The following TAF1 variants were observed in gnomAD, a reference collection of about 807,000 sequenced individuals.
TAF1 encodes the protein transcription initiation factor TFIID subunit 1.
A neutral mutation model predicts 138.5 loss-of-function variants in TAF1; 2 were observed. The ratio of observed to expected loss-of-function variants is 0.01; its 90% CI spans 0.01 to 0.05. The LOEUF is 0.05. Among genes scored for constraint, TAF1 ranks in the 10% least tolerant of loss-of-function variants. TAF1 has a pLI of 1.00. For synonymous variants in TAF1, 437 were observed against 503.2 expected (o/e 0.87, Z 1.76); for missense variants, 709 against 1,478.0 (o/e 0.48, Z 8.53).
intron 13 of TAF1, among the ~76,000 whole-genome samples, chrX:71,493,963 A>G (rs998739553): frequency 8.9e-6 from 1 of 111,766 alleles, no homozygotes; most frequent in Non-Finnish European, 1.9e-5. Flanking sequence ...ACAAAGCAAG[A>G]CCCTGTCTCA....
intron 32 of TAF1, among the ~76,000 whole-genome samples, chrX:71,452,494 A>G (rs1381890508): frequency 1.8e-5 from 2 of 108,734 alleles, no homozygotes; most frequent in Non-Finnish European, 3.8e-5. Flanking sequence ...CTCACTTCCT[A>G]GATGGGATGG....
intron 13 of TAF1, among the ~76,000 whole-genome samples, chrX:71,489,955 G>A (rs936477619): frequency 8.0e-5 from 9 of 112,038 alleles, no homozygotes; most frequent in African/African-American, 2.6e-4. Context: ...CTTTTAAGAG[G>A]TGATTAGGCC....
At chrX:71,451,271 C>T (rs1217089992) in intron 32 of TAF1, among the ~76,000 whole-genome samples, 2 of 111,609 alleles carry the variant, frequency 1.8e-5, no homozygotes, top group African/African-American at 3.3e-5. Context: ...TAAGAATCAT[C>T]TTATAGGTAA....
At chrX:71,467,752 A>G (rs1021133204), downstream of TAF1, among the ~76,000 whole-genome samples, 1 of 111,873 alleles carries the variant, frequency 8.9e-6, no homozygotes, top group Non-Finnish European at 1.9e-5. Flanking sequence ...TGAAGATTAG[A>G]AGGATTAAGT....
chrX:71,443,850 A>T (rs987636376), intron 32 of TAF1, among the ~76,000 whole-genome samples: 2 of 111,359 alleles, frequency 1.8e-5, no homozygotes, highest in African/African-American at 6.5e-5. Flanking sequence ...CTGGGATTAT[A>T]GGCGTCCGCC....
intron 25 of TAF1, among the ~76,000 whole-genome samples, chrX:71,406,234 C>T (rs1490678072): frequency 9.5e-6 from 1 of 105,322 alleles, no homozygotes; most frequent in Non-Finnish European, 1.9e-5. Context: ...GAGGCTGAGG[C>T]AGGAGAATCA....
chrX:71,393,053 G>T, intron 20 of TAF1, 59 bp downstream of exon 20: 1 of 1,177,657 alleles, frequency 8.5e-7, no homozygotes, highest in Non-Finnish European at 1.1e-6. Flanking sequence ...AGTTGGAATT[G>T]CTAGGAGGCA....
intron 18 of TAF1, among the ~76,000 whole-genome samples, chrX:71,391,337 C>T (rs944962265): frequency 9.0e-6 from 1 of 111,161 alleles, no homozygotes; most frequent in Non-Finnish European, 1.9e-5. Context: ...TTGTACTACT[C>T]TCTTGAGGTT....
At chrX:71,430,727 A>G (rs1000243806) in intron 32 of TAF1, among the ~76,000 whole-genome samples, 5 of 111,604 alleles carry the variant, frequency 4.5e-5, no homozygotes, top group African/African-American at 1.6e-4. Context: ...TTTACTTTAG[A>G]CTTGTTTGTA....
At chrX:71,393,838 G>C (rs774419658) in intron 21 of TAF1, among the ~76,000 whole-genome samples, 72 of 111,953 alleles carry the variant, frequency 6.4e-4, no homozygotes, top group African/African-American at 2.3e-3. Context: ...CCAGTGTGCT[G>C]ATTTATTTAT....
At chrX:71,418,641 G>A (rs181611416) in intron 28 of TAF1, among the ~76,000 whole-genome samples, 1,702 of 111,855 alleles carry the variant, frequency 0.015, 24 homozygotes, top group Non-Finnish European at 0.016. Context: ...CTTGCTAGAT[G>A]AAAATATTTT....
chrX:71,484,824 A>G (rs1446783335), intron 13 of TAF1: 1 of 111,814 alleles, frequency 8.9e-6, no homozygotes, highest in Non-Finnish European at 1.9e-5. Flanking sequence ...AGACTAGGTT[A>G]CAAAAGACCA....
chrX:71,376,111 GT>G (rs1243537893), intron 4 of TAF1, among the ~76,000 whole-genome samples: 1 of 111,827 alleles, frequency 8.9e-6, no homozygotes, highest in African/African-American at 3.2e-5. Flanking sequence ...GAAGAGCAGT[GT>G]TTTTGACCTC....
At chrX:71,402,401 C>G (rs1602552305) in intron 25 of TAF1, among the ~76,000 whole-genome samples, 1 of 112,377 alleles carries the variant, frequency 8.9e-6, no homozygotes, top group East Asian at 2.8e-4. Context: ...CTGGGATTAC[C>G]ATGCCCGGCC....
intron 17 of TAF1, 111 bp from the exon 18 acceptor site, chrX:71,389,473 TC>T (rs2034433160): frequency 1.8e-6 from 1 of 566,766 alleles, no homozygotes; most frequent in East Asian, 3.5e-5. Context: ...CTTTATGGAA[TC>T]CATCTATGCA....
rs1168643390 is a variant in TAF1 at position 71,459,292 on chromosome X, T to G, written c.5065-260T>G. 10 of 1,126,406 alleles carry G rather than the reference T, an allele frequency of 8.9e-6. No homozygotes were observed. In the Admixed American group the frequency reaches 2.1e-4, roughly 23 times the overall value. 92.8% of individuals were successfully genotyped at this position (1,126,406 alleles called of 1,213,427 possible). ...GAAAGCTTATGGTTACGTTATGCCC[T>G]TATATGATAGGAGCCCCATCAGTAC... is the stretch of plus-strand genomic sequence containing the variant. On this transcript the variant is annotated intron_variant, in intron 35 of 37. Transcript: ENST00000423759.
chrX:71,487,743 G>A (rs777056946), intron 13 of TAF1, among the ~76,000 whole-genome samples: 2 of 112,303 alleles, frequency 1.8e-5, no homozygotes, highest in East Asian at 5.6e-4. Flanking sequence ...CATCTGGAAT[G>A]TGGTTATAAT....
At position 71,496,210 on chromosome X, in the gene TAF1, T is replaced by G. The variant is rs2039392113; in HGVS notation, c.1367-32332T>G. Reference sequence around the variant, plus strand: ...ATTGTCCTGTCCTGAAGGGAGTTCCTCCTAGATCTGGTCGGACCTTTGTGT... The same window carrying G: ...ATTGTCCTGTCCTGAAGGGAGTTCCGCCTAGATCTGGTCGGACCTTTGTGT... On this transcript the variant is annotated intron_variant and NMD_transcript_variant, in intron 13 of 14. Transcript: ENST00000373775. Among the ~76,000 whole-genome samples the G allele has an allele frequency of 3.6e-5, 4 of 112,482 alleles. No homozygotes were observed. In the South Asian group the frequency reaches 1.5e-3, roughly 41 times the overall value.
At chrX:71,426,035 G>A (rs915703281) in intron 32 of TAF1, among the ~76,000 whole-genome samples, 10 of 109,919 alleles carry the variant, frequency 9.1e-5, no homozygotes, top group South Asian at 4.0e-4. Context: ...CAAGGCGGGC[G>A]GATCATTTGA....
Sources: allele counts gnomAD v4.1 joint callset (sites outside exome capture counted in the v4.1 genomes callset), GRCh38; gene constraint gnomAD v4.1.1; transcripts MANE v1.5; gene names NCBI Gene and HGNC (gene_info 2026-07-23, HGNC 2026-07-21).